OPCML: variants seen among roughly 807,000 people sequenced by gnomAD.
OPCML encodes opioid binding protein/cell adhesion molecule like.
Under a neutral mutation model 37.8 loss-of-function variants are expected in OPCML, and 13 were observed. That is an observed-to-expected ratio of 0.34 (90% CI 0.22 to 0.55). The LOEUF (loss-of-function observed/expected upper bound fraction) is 0.55. OPCML is among the 20% of genes least tolerant of loss of function. The pLI is 0.91. For synonymous variants in OPCML, 176 were observed against 168.8 expected (o/e 1.04, Z -0.33); for missense variants, 341 against 435.6 (o/e 0.78, Z 1.93).
intron 1 of OPCML, chr11:133,026,557 C>G: frequency 1.0e-6 from 1 of 985,390 alleles, no homozygotes; most frequent in Non-Finnish European, 1.2e-6. Context: ...TTCCAAACAC[C>G]TAAATCTGGT....
intron 1 of OPCML, chr11:133,024,487 G>A (rs1383226336): frequency 1.2e-5 from 12 of 985,174 alleles, no homozygotes; most frequent in East Asian, 1.1e-4. Context: ...CAGGTTTCAC[G>A]GGTAATGAGA....
chr11:133,093,409 G>A (rs1449699539), intron 1 of OPCML, among the ~76,000 whole-genome samples: 1 of 151,960 alleles, frequency 6.6e-6, no homozygotes, highest in Non-Finnish European at 1.5e-5. Flanking sequence ...CATCATCTAG[G>A]TTTTAAGCCC....
At chr11:132,842,154 G>A (rs1353805529) in intron 2 of OPCML, among the ~76,000 whole-genome samples, 3 of 152,134 alleles carry the variant, frequency 2.0e-5, no homozygotes, top group Non-Finnish European at 4.4e-5. Flanking sequence ...AGATGTAAAT[G>A]TGTGTTTCTG....
At chr11:132,630,210 A>C (rs1205601404) in intron 3 of OPCML, among the ~76,000 whole-genome samples, 1 of 152,254 alleles carries the variant, frequency 6.6e-6, no homozygotes, top group Non-Finnish European at 1.5e-5. Flanking sequence ...TCAATGTATG[A>C]AGATGTTCAT....
chr11:133,210,857 G>A (rs969242201), intron 1 of OPCML, among the ~76,000 whole-genome samples: 1 of 152,156 alleles, frequency 6.6e-6, no homozygotes, highest in African/African-American at 2.4e-5. Flanking sequence ...AAGATTAAAT[G>A]TAGTGCCTGG....
At chr11:133,418,960 G>A (rs771553457) in intron 1 of OPCML, among the ~76,000 whole-genome samples, 3 of 152,090 alleles carry the variant, frequency 2.0e-5, no homozygotes, top group Non-Finnish European at 4.4e-5. Context: ...GGCCCCACAG[G>A]CACCCAGAGA....
intron 2 of OPCML, among the ~76,000 whole-genome samples, chr11:132,915,241 G>A (rs1255835182): frequency 6.6e-6 from 1 of 152,112 alleles, no homozygotes; most frequent in Non-Finnish European, 1.5e-5. Context: ...ATGTGAACGT[G>A]TATACACATC....
intron 1 of OPCML, chr11:133,423,359 A>T (rs1297713043): frequency 4.1e-6 from 4 of 985,300 alleles, no homozygotes; most frequent in African/African-American, 1.7e-5. Flanking sequence ...CTAGCTGCAG[A>T]TAACTGAGAG....
At chr11:133,198,710 G>A (rs1341368530) in intron 1 of OPCML, among the ~76,000 whole-genome samples, 1 of 152,184 alleles carries the variant, frequency 6.6e-6, no homozygotes, top group African/African-American at 2.4e-5. Context: ...ATGGGATGAG[G>A]CCCATTTCCA....
intron 1 of OPCML, among the ~76,000 whole-genome samples, chr11:133,425,633 G>T (rs1297941352): frequency 6.6e-6 from 1 of 152,154 alleles, no homozygotes; most frequent in African/African-American, 2.4e-5. Context: ...GTCAGGGGAG[G>T]TCTAGTCCTG....
At chr11:133,028,522 AGC>A (rs1323078255) in intron 1 of OPCML, among the ~76,000 whole-genome samples, 3 of 88,978 alleles carry the variant, frequency 3.4e-5, no homozygotes, top group Admixed American at 1.4e-4. Context: ...TTTGATAAGG[AGC>A]GTGTGTGTGT....
At chr11:133,338,977 G>A (rs999706065) in intron 1 of OPCML, among the ~76,000 whole-genome samples, 4 of 152,164 alleles carry the variant, frequency 2.6e-5, no homozygotes, top group Non-Finnish European at 4.4e-5. Flanking sequence ...CTGCCCAGGT[G>A]CAAGGACTGA....
intron 2 of OPCML, among the ~76,000 whole-genome samples, chr11:132,751,619 G>T (rs536971067): frequency 1.3e-5 from 2 of 152,302 alleles, no homozygotes; most frequent in African/African-American, 4.8e-5. Flanking sequence ...TCAAGAAATA[G>T]GAATTATTAG....
chr11:132,729,858 CT>C (rs1024448392), intron 2 of OPCML, among the ~76,000 whole-genome samples: 3 of 152,212 alleles, frequency 2.0e-5, no homozygotes, highest in Admixed American at 2.0e-4. Flanking sequence ...GCAGGATATT[CT>C]ACCAAAGGCA....
intron 1 of OPCML, among the ~76,000 whole-genome samples, chr11:133,175,771 C>T (rs892294988): frequency 6.6e-6 from 1 of 151,538 alleles, no homozygotes; most frequent in African/African-American, 2.4e-5. Flanking sequence ...ACTTGGGAGT[C>T]TAAATTCTAT....
chr11:132,706,054 C>A (rs1346677792), intron 2 of OPCML, among the ~76,000 whole-genome samples: 1 of 152,134 alleles, frequency 6.6e-6, no homozygotes, highest in Non-Finnish European at 1.5e-5. Context: ...GATCCACACA[C>A]CTCGGCCTCC....
intron 1 of OPCML, among the ~76,000 whole-genome samples, chr11:133,258,391 A>T (rs1461890799): frequency 1.3e-5 from 2 of 152,164 alleles, no homozygotes; most frequent in African/African-American, 4.8e-5. Flanking sequence ...CAACTCTTTG[A>T]GAATGGGTGG....
intron 2 of OPCML, chr11:132,771,665 C>T (rs925952810): frequency 6.6e-6 from 1 of 152,160 alleles, no homozygotes; most frequent in African/African-American, 2.4e-5. Context: ...TGTGAGACTT[C>T]ATCAATTAAC....
At chr11:133,353,689 C>CAGG (rs1364897181) in intron 1 of OPCML, among the ~76,000 whole-genome samples, 1 of 152,220 alleles carries the variant, frequency 6.6e-6, no homozygotes, top group Non-Finnish European at 1.5e-5. Flanking sequence ...ACTTGGCAGG[C>CAGG]AGGAGCCTGC....
Sources: gnomAD v4.1 joint callset for allele counts (sites outside exome capture counted in the v4.1 genomes callset) on GRCh38, gnomAD v4.1.1 for gene constraint, MANE v1.5 for transcripts, NCBI Gene and HGNC (gene_info 2026-07-23, HGNC 2026-07-21) for gene names.